DPH6: variants seen among roughly 807,000 people sequenced by gnomAD.
DPH6 encodes diphthine--ammonia ligase.
A neutral mutation model predicts 38.2 loss-of-function variants in DPH6; 33 were observed. The observed-to-expected ratio is 0.86, with a 90% CI of 0.65 to 1.15. The LOEUF (loss-of-function observed/expected upper bound fraction) is 1.15, where lower values mean the gene tolerates loss of function less well. DPH6 is among the 50% of genes most tolerant of loss of function. The pLI is 0.00. For missense variants in DPH6, 325 were observed against 320.0 expected (o/e 1.02, Z -0.12); for synonymous variants, 108 against 103.0 (o/e 1.05, Z -0.30).
intron 3 of DPH6, among the ~76,000 whole-genome samples, chr15:35,482,369 T>A (rs2054337695): frequency 6.6e-6 from 1 of 152,124 alleles, no homozygotes; most frequent in African/African-American, 2.4e-5. Context: ...TAGCCTCAAA[T>A]CCTCCCTGAC....
chr15:35,308,462 G>A (rs1279324527), intron 3 of DPH6, among the ~76,000 whole-genome samples: 1 of 151,896 alleles, frequency 6.6e-6, no homozygotes, highest in African/African-American at 2.4e-5. Context: ...CAAAACAATT[G>A]TCAGGTATGG....
At chr15:35,436,268 C>T (rs1211785346) in intron 5 of DPH6, among the ~76,000 whole-genome samples, 3 of 151,442 alleles carry the variant, frequency 2.0e-5, no homozygotes, top group Non-Finnish European at 4.4e-5. Flanking sequence ...AGATCAAGAC[C>T]ATCTTGGCTA....
At chr15:35,370,210 CAAACAT>C (rs1298309961), downstream of DPH6, among the ~76,000 whole-genome samples, 1 of 151,604 alleles carries the variant, frequency 6.6e-6, no homozygotes, top group Non-Finnish European at 1.5e-5. Flanking sequence ...GAATGTATCA[CAAACAT>C]AAACATAAAG....
intron 3 of DPH6, among the ~76,000 whole-genome samples, chr15:35,257,776 G>GTGTGTGTT (rs1175700006): frequency 0.015 from 2,329 of 151,720 alleles, 51 homozygotes; most frequent in African/African-American, 0.053. Context: ...TCAGCTTTGT[G>GTGTGTGTT]TGTGTGTGTG....
chr15:35,230,832 ACT>A (rs974726583), intron 3 of DPH6, among the ~76,000 whole-genome samples: 37 of 152,020 alleles, frequency 2.4e-4, no homozygotes, highest in African/African-American at 8.7e-4. Context: ...GGAGTTCAAG[ACT>A]CTGAATGGTG....
intron 3 of DPH6, among the ~76,000 whole-genome samples, chr15:35,297,126 G>A (rs2052021041): frequency 1.3e-5 from 2 of 152,162 alleles, no homozygotes; most frequent in South Asian, 4.1e-4. Context: ...CTGGAATTAT[G>A]ATTTCACTGT....
chr15:35,408,853 G>A lies in DPH6; in HGVS notation c.567+1982C>T, dbSNP rs537790388. On this transcript the variant is annotated intron_variant, in intron 6 of 8. Transcript: ENST00000256538. ...GTACTTGAGGCATCTCAGACATGAA[G>A]TAGTACTGACAATGAATACAGATAA... Among the ~76,000 whole-genome samples, 4 of 152,130 alleles carry A rather than the reference G, an allele frequency of 2.6e-5. No individual in the cohort carries two copies. The East Asian group carries it at 7.7e-4, about 29-fold the overall frequency.
chr15:35,213,533 G>A (rs1431487031), downstream of DPH6, among the ~76,000 whole-genome samples: 1 of 152,094 alleles, frequency 6.6e-6, no homozygotes, highest in African/African-American at 2.4e-5. Flanking sequence ...GGCCATAGCA[G>A]GCTTTTCTTA....
At chr15:35,503,512 G>T (rs932361412) in intron 3 of DPH6, among the ~76,000 whole-genome samples, 2 of 151,986 alleles carry the variant, frequency 1.3e-5, no homozygotes, top group African/African-American at 4.8e-5. Context: ...GAGAAAAACA[G>T]CAGCTGTAAG....
At chr15:35,486,168 GC>G (rs2054395219) in intron 3 of DPH6, among the ~76,000 whole-genome samples, 1 of 151,848 alleles carries the variant, frequency 6.6e-6, no homozygotes, top group South Asian at 2.1e-4. Context: ...TGGAATGAGT[GC>G]AAGCAGGGGA....
intron 6 of DPH6, among the ~76,000 whole-genome samples, chr15:35,386,761 G>A (rs375705974): frequency 1.3e-5 from 2 of 152,008 alleles, no homozygotes; most frequent in South Asian, 2.1e-4. Flanking sequence ...AGATGAGTAG[G>A]TTGCAAAAAT....
chr15:35,247,435 A>G (rs903067481), intron 3 of DPH6, among the ~76,000 whole-genome samples: 3 of 152,248 alleles, frequency 2.0e-5, no homozygotes, highest in Non-Finnish European at 2.9e-5. Context: ...AACAGAGTGG[A>G]GCACAAATCC....
the DPH6 span, among the ~76,000 whole-genome samples, chr15:35,179,710 G>A: frequency 1.3e-5 from 2 of 152,032 alleles, no homozygotes; most frequent in Non-Finnish European, 2.9e-5. Context: ...TAAAGACAGG[G>A]GATGCTAGGA....
chr15:35,339,187 A>AT (rs973737630), intron 3 of DPH6, among the ~76,000 whole-genome samples: 26 of 151,538 alleles, frequency 1.7e-4, no homozygotes, highest in African/African-American at 4.8e-4. Flanking sequence ...TATAATAAAA[A>AT]ATATATATAT....
rs767720494 is a variant in DPH6, at chr15:35,433,928, GAAGAGAA to G, written c.505+16750_505+16756del. Among the ~76,000 whole-genome samples the G allele has an allele frequency of 2.4e-4, 36 of 152,260 alleles. No homozygotes were observed. In the South Asian group the frequency reaches 3.9e-3, roughly 17 times the overall value. On this transcript the variant is annotated intron_variant, in intron 5 of 8. Transcript: ENST00000256538. ...TGGGCCCTTAATATATGTGTCTGTG[GAAGAGAA>G]AAGAGAAGGGAGGTAGAGATATCTT...
At chr15:35,250,611 T>G (rs1595446581) in intron 3 of DPH6, among the ~76,000 whole-genome samples, 1 of 152,284 alleles carries the variant, frequency 6.6e-6, no homozygotes, top group African/African-American at 2.4e-5. Context: ...ATCAGAGAAA[T>G]GTTTTTTTCA....
intron 3 of DPH6, among the ~76,000 whole-genome samples, chr15:35,345,690 C>A (rs2052456187): frequency 6.6e-6 from 1 of 151,690 alleles, no homozygotes; most frequent in Admixed American, 6.6e-5. Flanking sequence ...TTATAATGTT[C>A]CTATTTCTTC....
the DPH6 span, among the ~76,000 whole-genome samples, chr15:35,203,886 A>C: frequency 1.3e-4 from 19 of 151,652 alleles, no homozygotes; most frequent in Non-Finnish European, 2.2e-4. Flanking sequence ...ATACCTTTAA[A>C]ATTCTACTTT....
At chr15:35,369,301 T>G (rs1389186557), downstream of DPH6, among the ~76,000 whole-genome samples, 3 of 151,610 alleles carry the variant, frequency 2.0e-5, no homozygotes, top group Admixed American at 2.0e-4. Flanking sequence ...ATTTTAAGAG[T>G]GGTATTCAGG....
Sources: gnomAD v4.1 joint callset for allele counts (sites outside exome capture counted in the v4.1 genomes callset) on GRCh38, gnomAD v4.1.1 for gene constraint, MANE v1.5 for transcripts, NCBI Gene and HGNC (gene_info 2026-07-23, HGNC 2026-07-21) for gene names.